The following LRRC75A variants were observed in gnomAD, a reference collection of about 807,000 sequenced individuals.
The protein encoded by LRRC75A is leucine rich repeat containing 75A, also known as leucine-rich repeat-containing protein 75A.
Under a neutral mutation model 26.0 loss-of-function variants are expected in LRRC75A, and 12 were observed. That is an observed-to-expected ratio of 0.46 (90% CI 0.30 to 0.75). The LOEUF (loss-of-function observed/expected upper bound fraction) is 0.75. Ranked by LOEUF, LRRC75A falls within the 30% of genes least tolerant of loss-of-function variation. The pLI is 0.08. For synonymous variants in LRRC75A, 223 were observed against 219.3 expected (o/e 1.02, Z -0.15); for missense variants, 410 against 486.6 (o/e 0.84, Z 1.48).
intron 2 of LRRC75A, among the ~76,000 whole-genome samples, chr17:16,448,695 C>T (rs2093606692): frequency 6.6e-6 from 1 of 152,124 alleles, no homozygotes; most frequent in Admixed American, 6.6e-5. Context: ...GAGGAGTAGG[C>T]CCTAATCCTG....
intron 3 of LRRC75A, among the ~76,000 whole-genome samples, chr17:16,447,381 T>G (rs772578917): frequency 1.8e-4 from 27 of 152,124 alleles, no homozygotes; most frequent in Non-Finnish European, 2.4e-4. Flanking sequence ...CTCTGCTCAC[T>G]GCAACCTCCA....
intron 2 of LRRC75A, among the ~76,000 whole-genome samples, chr17:16,449,977 G>A (rs2143013081): frequency 6.6e-6 from 1 of 152,304 alleles, no homozygotes; most frequent in Non-Finnish European, 1.5e-5. Flanking sequence ...AAAACGTGAG[G>A]CATCCTTGAG....
At position 16,491,750 on chromosome 17, in the gene LRRC75A, G is replaced by C. The variant is rs1362184065; in HGVS notation, c.241C>G (p.Arg81Gly). The C allele has an allele frequency of 2.1e-4, 287 of 1,396,962 alleles. No individual in the cohort carries two copies. The highest frequency in any genetic ancestry group is 5.2e-5 in the Non-Finnish European group (56 of 1,074,914). 86.5% of individuals were successfully genotyped at this position (1,396,962 alleles called of 1,614,324 possible). A position where few individuals can be genotyped will look rare whatever the true frequency, so the allele number is the denominator to read the frequency against. The stretch of plus-strand genomic sequence containing the variant: ...CGCCCCCTCCCCGCGCTCACCTGGC[G>C]CAGGTGCTGCAGCAGCGTCCCCGCC... ...EEAGTLLQHLRQDLGMESTSL... is the reference protein window; with the variant it reads ...EEAGTLLQHLGQDLGMESTSL... Residue 81 changes from arginine (R) to glycine (G), a missense_variant, in exon 1 of 4, where the codon CGC (arginine) becomes GGC (glycine). By Grantham distance (125) the Arg-to-Gly change is moderately radical. Coordinates refer to ENST00000470794, the MANE Select transcript of LRRC75A (RefSeq NM_001113567.3). This position sits in a 1 kb window ranked among gnomAD's most constrained non-coding sequence, Gnocchi z 5.9.
At chr17:16,452,931 G>C (rs919046154) in intron 2 of LRRC75A, among the ~76,000 whole-genome samples, 8 of 152,064 alleles carry the variant, frequency 5.3e-5, no homozygotes, top group African/African-American at 1.9e-4. Flanking sequence ...TCACTTCCCA[G>C]GGTTTCCAAA....
chr17:16,469,340 C>A (rs2093792916), intron 1 of LRRC75A, among the ~76,000 whole-genome samples: 1 of 152,214 alleles, frequency 6.6e-6, no homozygotes, highest in Non-Finnish European at 1.5e-5. Flanking sequence ...AGCTTGGCCT[C>A]TTTGGGTGGC....
intron 2 of LRRC75A, chr17:16,461,126 C>T (rs1177554433): frequency 6.6e-6 from 1 of 152,490 alleles, no homozygotes; most frequent in Non-Finnish European, 1.5e-5. Flanking sequence ...GCCCCAGAGT[C>T]AGAGAGAAGG....
intron 2 of LRRC75A, among the ~76,000 whole-genome samples, chr17:16,449,188 G>A (rs567607139): frequency 3.9e-5 from 6 of 152,328 alleles, no homozygotes; most frequent in Admixed American, 1.3e-4. Flanking sequence ...CGTTAACCAC[G>A]CACAGTGCTC....
chr17:16,443,576 T>C lies in LRRC75A; in HGVS notation c.*12A>G. The C allele has an allele frequency of 6.6e-7, 1 of 1,504,252 alleles. No homozygotes were observed. Among genetic ancestry groups the C allele is most frequent in the Non-Finnish European group, 8.9e-7 (1 of 1,117,852 alleles). The allele number at this position is 1,504,252 out of a possible 1,614,324, so 93.2% of individuals were successfully genotyped here. A position where few individuals can be genotyped will look rare whatever the true frequency, so the allele number is the denominator to read the frequency against. On this transcript the variant is annotated 3_prime_UTR_variant, in exon 4 of 4. Coordinates refer to ENST00000470794, the MANE Select transcript of LRRC75A (RefSeq NM_001113567.3). ...CAACAAGGACTCCCTGGTGAGGCCC[T>C]TCACTTCCATGTCACGTCTGAGCTG...
At chr17:16,483,795 C>T (rs1205795765) in intron 1 of LRRC75A, among the ~76,000 whole-genome samples, 1 of 152,192 alleles carries the variant, frequency 6.6e-6, no homozygotes, top group African/African-American at 2.4e-5. Flanking sequence ...TCCTTGCCAT[C>T]CCTCCCGGAG....
intron 1 of LRRC75A, among the ~76,000 whole-genome samples, chr17:16,476,655 C>T (rs2093820395): frequency 6.6e-6 from 1 of 151,714 alleles, no homozygotes; most frequent in African/African-American, 2.4e-5. Flanking sequence ...ACCTCTGCCT[C>T]CCCAAGTTCA....
intron 1 of LRRC75A, among the ~76,000 whole-genome samples, chr17:16,472,277 C>T (rs1217635154): frequency 6.6e-6 from 1 of 151,718 alleles, no homozygotes; most frequent in Non-Finnish European, 1.5e-5. Flanking sequence ...AAGGAGGTGC[C>T]ACTAAGTAGC....
intron 1 of LRRC75A, among the ~76,000 whole-genome samples, chr17:16,485,795 G>C (rs2093845931): frequency 6.6e-6 from 1 of 152,130 alleles, no homozygotes; most frequent in Admixed American, 6.5e-5. Flanking sequence ...CCACACTGCG[G>C]GGAGAATCTC....
chr17:16,462,010 G>A lies in LRRC75A; in HGVS notation c.375+248C>T, dbSNP rs908094673. On this transcript the variant is annotated intron_variant, in intron 2 of 3. Transcript: ENST00000470794. This position sits in a 1 kb window ranked among gnomAD's most constrained non-coding sequence, Gnocchi z 4.6. The stretch of plus-strand genomic sequence containing the variant: ...AGCTTCCAGTTTTTCAAGGGCAGCT[G>A]AATACAGGGATCATGTGAAAAATTC... 2.6e-5 allele frequency among the ~76,000 whole-genome samples: 4 copies of A among 152,190 alleles called. No homozygotes were observed. Among genetic ancestry groups the A allele is most frequent in the Non-Finnish European group, 5.9e-5 (4 of 68,040 alleles).
At chr17:16,467,139 T>G (rs569749085) in intron 1 of LRRC75A, among the ~76,000 whole-genome samples, 2 of 152,346 alleles carry the variant, frequency 1.3e-5, no homozygotes, top group South Asian at 4.1e-4. Flanking sequence ...AAAAATTTAT[T>G]TTTTCACTTG....
chr17:16,456,200 G>A (rs1185030888), intron 2 of LRRC75A, among the ~76,000 whole-genome samples: 1 of 110,386 alleles, frequency 9.1e-6, no homozygotes, highest in East Asian at 2.9e-4. Context: ...GGAAGGAGGA[G>A]GAAGAGGAGG....
chr17:16,443,932 G>A lies in LRRC75A; in HGVS notation c.691C>T (p.Arg231Cys), dbSNP rs777748042. The A allele has an allele frequency of 6.2e-6, 10 of 1,613,054 alleles. No homozygotes were observed. Among genetic ancestry groups the A allele is most frequent in the Admixed American group, 5.0e-5 (3 of 59,998 alleles). The change falls in exon 4 of 4, where the codon CGC becomes TGC. Residue 231 changes from arginine to cysteine, a missense_variant. Coordinates refer to ENST00000470794, the MANE Select transcript of LRRC75A (RefSeq NM_001113567.3). Reference sequence around the variant, plus strand: ...CCATTGAGTGCCAGTGTGGTGAGGCGGGGCAGGGTGCTGAGTGCTGGCAGC... The same window carrying A: ...CCATTGAGTGCCAGTGTGGTGAGGCAGGGCAGGGTGCTGAGTGCTGGCAGC... ...QLLPALSTLP[R>C]LTTLALNGNR... is the part of the protein sequence containing the mutation.
chr17:16,475,087 C>A (rs1374618977), intron 1 of LRRC75A, among the ~76,000 whole-genome samples: 1 of 151,978 alleles, frequency 6.6e-6, no homozygotes, highest in African/African-American at 2.4e-5. Context: ...CTTAGAGGAT[C>A]CTTCTGGCTC....
intron 1 of LRRC75A, among the ~76,000 whole-genome samples, chr17:16,472,750 A>G (rs2093810610): frequency 6.6e-6 from 1 of 152,240 alleles, no homozygotes. Context: ...TATGATTTTA[A>G]GCAGAACACC....
chr17:16,469,364 C>T (rs2143304673), intron 1 of LRRC75A, among the ~76,000 whole-genome samples: 1 of 152,242 alleles, frequency 6.6e-6, no homozygotes, highest in African/African-American at 2.4e-5. Context: ...TTGTTCTTTT[C>T]CCACAAAGTT....
Sources: allele counts gnomAD v4.1 joint callset (sites outside exome capture counted in the v4.1 genomes callset), GRCh38; gene constraint gnomAD v4.1.1; non-coding constraint Gnocchi (gnomAD v3.1); transcripts MANE v1.5; gene names NCBI Gene and HGNC (gene_info 2026-07-23, HGNC 2026-07-21).